Variants in PRKCH observed in about 807,000 individuals in gnomAD.
PRKCH encodes protein kinase C eta type.
Under a neutral mutation model 82.5 loss-of-function variants are expected in PRKCH, and 28 were observed. That is an observed-to-expected ratio of 0.34 (90% CI 0.25 to 0.47). The LOEUF is 0.47. PRKCH is among the 20% of genes least tolerant of loss of function. The pLI is 1.00. For synonymous variants in PRKCH, 322 were observed against 327.4 expected, an observed-to-expected ratio of 0.98 and a Z score of 0.18; for missense variants, 705 against 881.8, an observed-to-expected ratio of 0.80 and a Z score of 2.54.
chr14:61,401,744 T>C (rs904906546), intron 2 of PRKCH, among the ~76,000 whole-genome samples: 1 of 152,260 alleles, frequency 6.6e-6, no homozygotes, highest in Non-Finnish European at 1.5e-5. Context: ...TGTAACATTC[T>C]GTGTGACAAA....
At position 61,321,914 on chromosome 14, in the gene PRKCH, AGGG is replaced by A; in HGVS notation, c.-187_-185del. 1 of 537,080 alleles carries A rather than the reference AGGG, an allele frequency of 1.9e-6. No individual in the cohort carries two copies. The highest frequency in any genetic ancestry group is 3.2e-6 in the Non-Finnish European group (1 of 311,022). The allele number at this position is 537,080 out of a possible 1,614,324, so 33.3% of individuals were successfully genotyped here. A position where few individuals can be genotyped will look rare whatever the true frequency, so the allele number is the denominator to read the frequency against. On this transcript the variant is annotated 5_prime_UTR_variant, in exon 1 of 14. Coordinates refer to ENST00000332981, the MANE Select transcript of PRKCH (RefSeq NM_006255.5). The surrounding 1 kb of genome is among the most constrained non-coding windows in gnomAD (Gnocchi z 4.1). ...TCCCCTCCTTTCCACCTCGGGAGGG[AGGG>A]AAGGAGGGGAGGGAAAAGTCCCACG... is the stretch of plus-strand genomic sequence containing the variant.
At chr14:61,218,468 T>C (rs1202333708) in intron 1 of PRKCH, among the ~76,000 whole-genome samples, 1 of 152,186 alleles carries the variant, frequency 6.6e-6, no homozygotes, top group Non-Finnish European at 1.5e-5. Context: ...GAATATGCTT[T>C]GCTAAGTAAA....
intron 10 of PRKCH, among the ~76,000 whole-genome samples, chr14:61,516,992 G>C (rs957995327): frequency 8.5e-5 from 13 of 152,156 alleles, no homozygotes; most frequent in Non-Finnish European, 1.5e-5. Context: ...GTTTTTCAGA[G>C]GTTTGTGTTT....
chr14:61,523,571 GA>G (rs1654129616), intron 10 of PRKCH, among the ~76,000 whole-genome samples: 2 of 152,082 alleles, frequency 1.3e-5, no homozygotes, highest in African/African-American at 4.8e-5. Flanking sequence ...TTATTTTGAG[GA>G]TAAAATAAGA....
At chr14:61,340,540 T>G (rs867948694) in intron 1 of PRKCH, among the ~76,000 whole-genome samples, 2 of 152,316 alleles carry the variant, frequency 1.3e-5, no homozygotes, top group Middle Eastern at 3.4e-3. Context: ...CAACTATTGC[T>G]TCTGGAACTG....
chr14:61,446,277 TTTACTAGTG>T (rs1884220811), intron 4 of PRKCH, among the ~76,000 whole-genome samples: 1 of 151,982 alleles, frequency 6.6e-6, no homozygotes, highest in African/African-American at 2.4e-5. Flanking sequence ...ATGAAACCAA[TTTACTAGTG>T]TTTCTAGCAT....
At chr14:61,346,796 C>T (rs1266713194) in intron 1 of PRKCH, among the ~76,000 whole-genome samples, 1 of 152,218 alleles carries the variant, frequency 6.6e-6, no homozygotes, top group East Asian at 1.9e-4. Flanking sequence ...CGAGCCCATT[C>T]TGTTTAATGT....
At chr14:61,526,379 T>A (rs75863248) in intron 10 of PRKCH, among the ~76,000 whole-genome samples, 1 of 152,222 alleles carries the variant, frequency 6.6e-6, no homozygotes, top group African/African-American at 2.4e-5. Flanking sequence ...AGGCTGCTAC[T>A]AAGAGCAGAG....
chr14:61,539,646 C>G (rs1359583541), intron 12 of PRKCH, among the ~76,000 whole-genome samples: 1 of 152,002 alleles, frequency 6.6e-6, no homozygotes, highest in Admixed American at 6.6e-5. Flanking sequence ...CCATTTCAGA[C>G]TCAAGGAAAA....
At chr14:61,404,308 C>G (rs1415307477) in intron 2 of PRKCH, among the ~76,000 whole-genome samples, 2 of 152,090 alleles carry the variant, frequency 1.3e-5, no homozygotes, top group Non-Finnish European at 2.9e-5. Flanking sequence ...TAAGAGACCA[C>G]CTTATATTTT....
intron 1 of PRKCH, among the ~76,000 whole-genome samples, chr14:61,291,977 T>C (rs2045366597): frequency 2.6e-5 from 4 of 152,154 alleles, no homozygotes; most frequent in Admixed American, 1.3e-4. Flanking sequence ...ATAAAGACTT[T>C]AATAATGATC....
At chr14:61,372,121 G>T (rs1322661125) in intron 1 of PRKCH, among the ~76,000 whole-genome samples, 3 of 151,930 alleles carry the variant, frequency 2.0e-5, no homozygotes, top group South Asian at 2.1e-4. Flanking sequence ...ATTCTTTCTG[G>T]CACTAAAAGA....
At chr14:61,234,011 C>T (rs1325198209) in intron 1 of PRKCH, among the ~76,000 whole-genome samples, 1 of 152,202 alleles carries the variant, frequency 6.6e-6, no homozygotes, top group Non-Finnish European at 1.5e-5. Context: ...GGTACACTGT[C>T]CTGGTCTACA....
chr14:61,422,602 CG>C (rs1882899137), intron 2 of PRKCH, among the ~76,000 whole-genome samples: 1 of 152,198 alleles, frequency 6.6e-6, no homozygotes, highest in Non-Finnish European at 1.5e-5. Flanking sequence ...CGGGCACCAT[CG>C]GGGGTCCCTC....
intron 10 of PRKCH, among the ~76,000 whole-genome samples, chr14:61,488,027 C>T (rs1171767008): frequency 3.3e-5 from 5 of 152,058 alleles, no homozygotes; most frequent in Non-Finnish European, 5.9e-5. Flanking sequence ...GTGGCGGGTG[C>T]CTGTAGTCCC....
chr14:61,361,642 G>C (rs183853836), intron 1 of PRKCH, among the ~76,000 whole-genome samples: 4 of 152,290 alleles, frequency 2.6e-5, no homozygotes, highest in Non-Finnish European at 4.4e-5. Context: ...ACTGGGAATA[G>C]AAATCCATGC....
intron 4 of PRKCH, among the ~76,000 whole-genome samples, chr14:61,448,920 G>A (rs1036621480): frequency 6.6e-6 from 1 of 152,146 alleles, no homozygotes; most frequent in Admixed American, 6.5e-5. Context: ...GGTGGGTGCA[G>A]GATGGAATAA....
At chr14:61,350,134 T>G (rs907185300) in intron 1 of PRKCH, among the ~76,000 whole-genome samples, 4 of 152,130 alleles carry the variant, frequency 2.6e-5, no homozygotes, top group African/African-American at 9.7e-5. Context: ...CTTTATATGC[T>G]GTCTCTTGCT....
chr14:61,281,428 G>A (rs1394351451), intron 1 of PRKCH: 4 of 293,754 alleles, frequency 1.4e-5, no homozygotes, highest in Non-Finnish European at 2.7e-5. Flanking sequence ...CTTCCGAGGT[G>A]AGCAGGTGGG....
Sources: allele counts gnomAD v4.1 joint callset (sites outside exome capture counted in the v4.1 genomes callset), GRCh38; gene constraint gnomAD v4.1.1; non-coding constraint Gnocchi (gnomAD v3.1); transcripts MANE v1.5; gene names NCBI Gene and HGNC (gene_info 2026-07-23, HGNC 2026-07-21).